UPF2: variants seen among roughly 807,000 people sequenced by gnomAD.
UPF2 encodes the protein UPF2 regulator of nonsense mediated mRNA decay.
Under a neutral mutation model 141.4 loss-of-function variants are expected in UPF2, and 17 were observed. That is an observed-to-expected ratio of 0.12 (90% confidence interval 0.08 to 0.18). UPF2 has a LOEUF of 0.18. UPF2 is among the 10% of genes least tolerant of loss of function. The pLI, the probability that UPF2 is intolerant of heterozygous loss-of-function variation, is 1.00. For synonymous variants in UPF2, 540 were observed against 498.0 expected, an observed-to-expected ratio of 1.08 and a Z score of -1.12; for missense variants, 1,152 against 1,515.9, an observed-to-expected ratio of 0.76 and a Z score of 3.99.
chr10:12,004,454 A>ATT, intron 5 of UPF2, 76 bp downstream of exon 5: 4 of 1,050,864 alleles, frequency 3.8e-6, no homozygotes, highest in Non-Finnish European at 5.3e-6. Context: ...CAATATATAT[A>ATT]TTTTTTTTTT....
chr10:11,925,528 G>A (rs1832701392), intron 21 of UPF2, among the ~76,000 whole-genome samples: 1 of 152,256 alleles, frequency 6.6e-6, no homozygotes, highest in African/African-American at 2.4e-5. Context: ...GAGCTGTGAA[G>A]GAGACAGAAT....
chr10:11,967,379 T>G lies in UPF2; in HGVS notation c.2029A>C (p.Lys677Gln). The G allele has an allele frequency of 6.3e-7, 1 of 1,590,968 alleles. No homozygotes were observed. Among genetic ancestry groups the G allele is most frequent in the South Asian group, 1.2e-5 (1 of 85,386 alleles). ...AGTGTGTCATTTTTGGTGAACATCT[T>G]AAACTTAGTTAGTTCTCCTATAAAA... ...VRFIGELTKF[K>Q]MFTKNDTLHC... The change falls in exon 10 of 22, where the codon AAG becomes CAG. Residue 677 changes from lysine (K) to glutamine (Q), a missense_variant. Coordinates refer to ENST00000357604, the MANE Select transcript of UPF2 (RefSeq NM_015542.4).
At chr10:11,986,375 G>A (rs1266050964) in intron 8 of UPF2, among the ~76,000 whole-genome samples, 3 of 152,078 alleles carry the variant, frequency 2.0e-5, no homozygotes, top group Non-Finnish European at 4.4e-5. Context: ...TATCAAGTCA[G>A]TAAACAGTCA....
At chr10:11,973,118 A>T (rs1426052461) in intron 9 of UPF2, among the ~76,000 whole-genome samples, 2 of 152,048 alleles carry the variant, frequency 1.3e-5, no homozygotes, top group Non-Finnish European at 2.9e-5. Flanking sequence ...TTTGATTTGC[A>T]TTTCTCTGAT....
At chr10:11,951,826 T>A (rs1224577333) in intron 15 of UPF2, among the ~76,000 whole-genome samples, 1 of 152,164 alleles carries the variant, frequency 6.6e-6, no homozygotes, top group African/African-American at 2.4e-5. Flanking sequence ...TTTTCCCCCA[T>A]CACTGTCACC....
At position 11,980,869 on chromosome 10, in the gene UPF2, A is replaced by G. The variant is rs1017938127; in HGVS notation, c.1845-1704T>C. ...TACATTAACCCTTAGCTAAAGGGAC[A>G]CTGAAAAAAGAAGGATGGAAATAAA... On this transcript the variant is annotated intron_variant, in intron 8 of 21. Coordinates refer to ENST00000357604, the MANE Select transcript of UPF2 (RefSeq NM_015542.4). The surrounding 1 kb of genome is among the most constrained non-coding windows in gnomAD (Gnocchi z 4.2). Among the ~76,000 whole-genome samples, 1 of 152,160 alleles carries G rather than the reference A, an allele frequency of 6.6e-6. No homozygotes were observed. The highest frequency in any genetic ancestry group is 1.5e-5 in the Non-Finnish European group (1 of 68,026).
intron 3 of UPF2, among the ~76,000 whole-genome samples, chr10:12,026,486 A>G (rs1834421770): frequency 6.6e-6 from 1 of 152,128 alleles, no homozygotes; most frequent in South Asian, 2.1e-4. Flanking sequence ...GGCAGTCTGA[A>G]TATCTGAGAT....
chr10:11,960,935 A>C (rs1299542800), intron 11 of UPF2, among the ~76,000 whole-genome samples: 1 of 151,736 alleles, frequency 6.6e-6, no homozygotes, highest in Non-Finnish European at 1.5e-5. Flanking sequence ...CTATAAAATA[A>C]AAAAATTAGC....
chr10:11,922,889 T>A (rs897182661), intron 21 of UPF2, among the ~76,000 whole-genome samples: 1 of 151,896 alleles, frequency 6.6e-6, no homozygotes, highest in South Asian at 2.1e-4. Flanking sequence ...ATAAAAAAAA[T>A]TAGCCATTTG....
Position 11,948,485 on chromosome 10 carries a change from T to C in UPF2, c.3058A>G (p.Lys1020Glu), listed in dbSNP as rs1192415415. 6.2e-7 allele frequency: 1 copy of C among 1,612,946 alleles called. No individual in the cohort carries two copies. Among genetic ancestry groups the C allele is most frequent in the Non-Finnish European group, 8.5e-7 (1 of 1,179,914 alleles). The change falls in exon 16 of 22, where the codon AAA (lysine) becomes GAA (glutamate). Residue 1020 changes from lysine to glutamate, a missense_variant. By Grantham distance (56) the Lys-to-Glu change is moderately conservative. Coordinates refer to ENST00000357604, the MANE Select transcript of UPF2 (RefSeq NM_015542.4). ...KLGLVNDKDS[K>E]DSMTEGENLE... The stretch of plus-strand genomic sequence containing the variant: ...TTTTCTCCTTCTGTCATAGAATCTT[T>C]TGAGTCTTTGTCATTTACTAGGCCT...
chr10:11,949,391 A>C (rs1237576667), intron 15 of UPF2, among the ~76,000 whole-genome samples: 3 of 152,326 alleles, frequency 2.0e-5, no homozygotes, highest in Middle Eastern at 3.4e-3. Flanking sequence ...CTTCATGTTC[A>C]GTTTCAGTTT....
intron 7 of UPF2, 112 bp from the exon 8 acceptor site, chr10:11,997,869 T>C: frequency 1.9e-6 from 2 of 1,079,014 alleles, no homozygotes; most frequent in South Asian, 1.5e-5. Context: ...AAAATGGTTT[T>C]AAGAAACTAG....
chr10:11,962,298 A>C (rs529772577), intron 11 of UPF2, among the ~76,000 whole-genome samples: 116 of 152,346 alleles, frequency 7.6e-4, no homozygotes, highest in South Asian at 5.0e-3. Flanking sequence ...TACATTTTAG[A>C]TGATCCCATA....
intron 16 of UPF2, among the ~76,000 whole-genome samples, chr10:11,947,177 G>A (rs1312077662): frequency 6.6e-6 from 1 of 152,182 alleles, no homozygotes; most frequent in Non-Finnish European, 1.5e-5. Context: ...ACTCCAGCAT[G>A]GGCGACAGTG....
At chr10:11,930,008 A>T in intron 20 of UPF2, 23 bp from the exon 21 acceptor site, 1 of 1,614,064 alleles carries the variant, frequency 6.2e-7, no homozygotes, top group South Asian at 1.1e-5. Context: ...GCAAAAAAAG[A>T]GAATGCTGTT....
chr10:12,040,979 C>T (rs1403215137), intron 1 of UPF2, among the ~76,000 whole-genome samples: 1 of 152,160 alleles, frequency 6.6e-6, no homozygotes, highest in African/African-American at 2.4e-5. Context: ...GCAGAGTCAC[C>T]TACCCAAGAT....
At chr10:11,957,799 G>A (rs1833177388) in intron 12 of UPF2, among the ~76,000 whole-genome samples, 1 of 152,144 alleles carries the variant, frequency 6.6e-6, no homozygotes. Context: ...TCATAGGCAT[G>A]AGCCACTATG....
intron 1 of UPF2, among the ~76,000 whole-genome samples, chr10:12,039,278 G>A (rs529490422): frequency 1.3e-5 from 2 of 152,272 alleles, no homozygotes; most frequent in Non-Finnish European, 2.9e-5. Flanking sequence ...CTGAACCAAA[G>A]AATCCTAAGA....
chr10:12,039,656 C>T (rs1834700204), intron 1 of UPF2, among the ~76,000 whole-genome samples: 1 of 147,198 alleles, frequency 6.8e-6, no homozygotes, highest in South Asian at 2.1e-4. Flanking sequence ...GAGTCTCACT[C>T]TGTCGCCAGG....
Sources: allele counts gnomAD v4.1 joint callset (sites outside exome capture counted in the v4.1 genomes callset), GRCh38; gene constraint gnomAD v4.1.1; non-coding constraint Gnocchi (gnomAD v3.1); transcripts MANE v1.5; gene names NCBI Gene and HGNC (gene_info 2026-07-23, HGNC 2026-07-21).